EML6: variants seen among roughly 807,000 people sequenced by gnomAD.
EML6 encodes EMAP like 6.
Under a neutral mutation model 240.1 loss-of-function variants are expected in EML6, and 154 were observed. The observed-to-expected ratio is 0.64, with a 90% confidence interval of 0.56 to 0.73. The LOEUF (loss-of-function observed/expected upper bound fraction) is 0.73, where lower values mean the gene tolerates loss of function less well. EML6 is among the 30% of genes least tolerant of loss of function. EML6 has a pLI of 0.00. For missense variants in EML6, 2,964 were observed against 2,474.6 expected, an observed-to-expected ratio of 1.20 and a Z score of -4.20; for synonymous variants, 1,148 against 899.0, an observed-to-expected ratio of 1.28 and a Z score of -4.95.
chr2:54,731,440 GAC>G (rs1364126819), intron 2 of EML6, among the ~76,000 whole-genome samples: 1 of 152,024 alleles, frequency 6.6e-6, no homozygotes, highest in Non-Finnish European at 1.5e-5. Context: ...GGGAGTTAAG[GAC>G]CAGCCTGGGC....
At chr2:54,823,199 A>G (rs956849176) in intron 5 of EML6, among the ~76,000 whole-genome samples, 3 of 152,234 alleles carry the variant, frequency 2.0e-5, no homozygotes, top group Admixed American at 1.3e-4. Context: ...AAAGCCCTCT[A>G]TCGATAAAGA....
chr2:54,829,795 C>T (rs1041769706), intron 7 of EML6, among the ~76,000 whole-genome samples: 1 of 152,110 alleles, frequency 6.6e-6, no homozygotes, highest in South Asian at 2.1e-4. Context: ...TGTACCCAGC[C>T]TCTGAAAACA....
At chr2:54,896,990 G>A (rs1344691078) in intron 21 of EML6, among the ~76,000 whole-genome samples, 7 of 152,182 alleles carry the variant, frequency 4.6e-5, no homozygotes. Context: ...AGGCAATGAG[G>A]TCTTTGTTCT....
At chr2:54,941,698 C>G (rs1675434892) in intron 28 of EML6, among the ~76,000 whole-genome samples, 1 of 152,216 alleles carries the variant, frequency 6.6e-6, no homozygotes, top group African/African-American at 2.4e-5. Context: ...GTACAGAGAT[C>G]TGCAGTTGCA....
Position 54,827,593 on chromosome 2 carries a change from A to C in EML6, c.553A>C (p.Thr185Pro). The C allele has an allele frequency of 6.4e-7, 1 of 1,551,672 alleles. No individual in the cohort carries two copies. The highest frequency in any genetic ancestry group is 1.2e-5 in the South Asian group (1 of 84,060). The change falls in exon 6 of 42, where the codon ACT becomes CCT. Residue 185 changes from threonine (T) to proline (P), a missense_variant. By Grantham distance (38) the Thr-to-Pro change is conservative. Transcript: ENST00000356458. Reference protein sequence around the residue: ...KFWTLCGNALTAKRGIFGKTG... With the variant: ...KFWTLCGNALPAKRGIFGKTG... ...TTGGACACTGTGTGGAAATGCCCTG[A>C]CTGCAAAAAGAGGGATATTTGGCAA...
intron 17 of EML6, among the ~76,000 whole-genome samples, chr2:54,886,191 T>C (rs1431565941): frequency 7.2e-6 from 1 of 139,610 alleles, no homozygotes; most frequent in Non-Finnish European, 1.6e-5. Context: ...CTTGAGATGG[T>C]GTCTTGCTGT....
At chr2:54,830,341 A>AG (rs1385327059) in intron 7 of EML6, among the ~76,000 whole-genome samples, 1 of 152,138 alleles carries the variant, frequency 6.6e-6, no homozygotes, top group African/African-American at 2.4e-5. Context: ...CCCTGCGCCA[A>AG]GGGAGGGGTA....
intron 2 of EML6, among the ~76,000 whole-genome samples, chr2:54,790,164 T>A (rs919232949): frequency 1.5e-4 from 23 of 152,222 alleles, no homozygotes; most frequent in Non-Finnish European, 2.5e-4. Context: ...GTGATTTTTA[T>A]AAGAGAGATT....
chr2:54,892,083 C>G (rs1672498894), intron 18 of EML6, among the ~76,000 whole-genome samples: 1 of 152,182 alleles, frequency 6.6e-6, no homozygotes, highest in Admixed American at 6.5e-5. Flanking sequence ...CACTTAGTCA[C>G]TCTTTCTCTT....
chr2:54,927,825 C>G (rs368395979), intron 26 of EML6, among the ~76,000 whole-genome samples: 1 of 152,220 alleles, frequency 6.6e-6, no homozygotes, highest in Non-Finnish European at 1.5e-5. Flanking sequence ...TGGCAGAAAC[C>G]GTTGTGTTCA....
chr2:54,945,378 A>G (rs1184056611), intron 28 of EML6, among the ~76,000 whole-genome samples: 9 of 151,252 alleles, frequency 6.0e-5, no homozygotes, highest in Non-Finnish European at 1.0e-4. Flanking sequence ...TGGAAGCTGA[A>G]GAAAGCTGTT....
intron 16 of EML6, among the ~76,000 whole-genome samples, chr2:54,877,776 C>T (rs932962180): frequency 2.0e-5 from 3 of 152,200 alleles, no homozygotes; most frequent in African/African-American, 7.2e-5. Context: ...AATACTACAG[C>T]CTAGTAGCTT....
At chr2:54,794,696 C>T (rs1451542782) in intron 2 of EML6, among the ~76,000 whole-genome samples, 1 of 152,188 alleles carries the variant, frequency 6.6e-6, no homozygotes, top group African/African-American at 2.4e-5. Flanking sequence ...ATGGTTAGTG[C>T]ACTCAGGGAT....
At chr2:54,839,894 AAG>A (rs1204924012) in intron 7 of EML6, among the ~76,000 whole-genome samples, 3 of 152,186 alleles carry the variant, frequency 2.0e-5, no homozygotes, top group African/African-American at 7.2e-5. Flanking sequence ...AATTTTTTAA[AAG>A]AGAGGATATA....
intron 16 of EML6, among the ~76,000 whole-genome samples, chr2:54,873,774 C>T (rs138542305): frequency 0.021 from 3,052 of 144,666 alleles, 55 homozygotes; most frequent in South Asian, 0.059. Flanking sequence ...ATGTTTACAA[C>T]ATTATTGGGA....
chr2:54,752,246 AAAGG>A (rs1684209366), intron 2 of EML6, among the ~76,000 whole-genome samples: 2 of 152,338 alleles, frequency 1.3e-5, no homozygotes, highest in South Asian at 4.1e-4. Context: ...ATAAGACAAG[AAAGG>A]AAAAAATTAT....
At position 54,751,561 on chromosome 2, in the gene EML6, C is replaced by T. The variant is rs187107497; in HGVS notation, c.197+26303C>T. ...CTTACAAAAGGAAGGACAAATGCTC[C>T]GCAGCACACAGTAATACCCCGTCCC... On this transcript the variant is annotated intron_variant, in intron 2 of 41. Coordinates refer to ENST00000356458, the MANE Select transcript of EML6 (RefSeq NM_001039753.4). Among the ~76,000 whole-genome samples, 149 of 152,238 alleles carry T rather than the reference C, an allele frequency of 9.8e-4. 1 individual carries two copies. Among genetic ancestry groups the T allele is most frequent in the African/African-American group, 3.3e-3 (139 of 41,550 alleles).
At chr2:54,961,184 G>GTTGTTTTTTTTTT in intron 35 of EML6, among the ~76,000 whole-genome samples, 1,287 of 55,388 alleles carry the variant, frequency 0.023, 515 homozygotes, top group African/African-American at 0.061. Context: ...TCAGGAAGTA[G>GTTGTTTTTTTTTT]TTTTTTTTTT....
chr2:54,771,792 T>C (rs764757268), intron 2 of EML6, among the ~76,000 whole-genome samples: 21 of 152,266 alleles, frequency 1.4e-4, no homozygotes, highest in Non-Finnish European at 2.2e-4. Context: ...GCAGCAAAAC[T>C]GCAGCCTATT....
Sources: gnomAD v4.1 joint callset for allele counts (sites outside exome capture counted in the v4.1 genomes callset) on GRCh38, gnomAD v4.1.1 for gene constraint, MANE v1.5 for transcripts, NCBI Gene and HGNC (gene_info 2026-07-23, HGNC 2026-07-21) for gene names.